The following WDFY4 variants were observed in gnomAD, a reference collection of about 807,000 sequenced individuals.
WDFY4 encodes the protein WD repeat- and FYVE domain-containing protein 4.
Under a neutral mutation model 351.9 loss-of-function variants are expected in WDFY4, and 169 were observed. That is an observed-to-expected ratio of 0.48 (90% CI 0.42 to 0.55). The LOEUF is 0.55. Among genes scored for constraint, WDFY4 ranks in the 20% least tolerant of loss-of-function variants. The pLI is 0.00. For synonymous variants in WDFY4, 1,622 were observed against 1,574.6 expected, an observed-to-expected ratio of 1.03 and a Z score of -0.71; for missense variants, 3,803 against 3,935.6, an observed-to-expected ratio of 0.97 and a Z score of 0.90.
intron 12 of WDFY4, among the ~76,000 whole-genome samples, chr10:48,747,185 A>C (rs77521524): frequency 0.018 from 2,762 of 152,288 alleles, 41 homozygotes; most frequent in Non-Finnish European, 0.029. Flanking sequence ...CAGTAAATGG[A>C]AGGTCTCCCC....
At chr10:48,798,560 A>C (rs1263472953) in intron 24 of WDFY4, among the ~76,000 whole-genome samples, 1 of 152,218 alleles carries the variant, frequency 6.6e-6, no homozygotes, top group East Asian at 1.9e-4. Context: ...TCGAAAATGT[A>C]AGTTTTCAGA....
chr10:48,738,898 T>G (rs760340567), intron 11 of WDFY4, among the ~76,000 whole-genome samples: 29 of 152,240 alleles, frequency 1.9e-4, no homozygotes, highest in Non-Finnish European at 3.5e-4. Flanking sequence ...GTGGTCTGTC[T>G]GCCAGCCACT....
chr10:48,735,663 G>GT (rs1050236467), intron 10 of WDFY4, among the ~76,000 whole-genome samples: 7 of 151,800 alleles, frequency 4.6e-5, no homozygotes, highest in Non-Finnish European at 8.8e-5. Context: ...GAAGAAAGCA[G>GT]TTTTTTAAAA....
chr10:48,842,174 T>A (rs183490601), intron 39 of WDFY4, among the ~76,000 whole-genome samples: 1 of 151,940 alleles, frequency 6.6e-6, no homozygotes, highest in Admixed American at 6.6e-5. Flanking sequence ...ATACAGAGGT[T>A]TAAGAGAGAC....
chr10:48,982,388 A>G, intron 61 of WDFY4, 121 bp from the exon 62 acceptor site: 4 of 811,250 alleles, frequency 4.9e-6, no homozygotes, highest in Non-Finnish European at 7.3e-6. Context: ...AAGGGAGACA[A>G]GACCAGGGGC....
chr10:48,814,019 G>A lies in WDFY4; in HGVS notation c.5277G>A (p.Gln1759=), dbSNP rs543922309. The change falls in exon 31 of 62, where the codon CAG becomes CAA. Residue 1759 remains glutamine (Q), a synonymous_variant. Transcript: ENST00000325239. ...GGCACCACCAGGAAGAAGTCCTCCAGGCTGGGCTGTGCACAGAAGGTGCCT... is the reference window on the plus strand; with the variant it reads ...GGCACCACCAGGAAGAAGTCCTCCAAGCTGGGCTGTGCACAGAAGGTGCCT... The part of the protein sequence containing the change: ...LQRHHQEEVL[Q]AGLCTEGALL... 1.9e-6 allele frequency: 3 copies of A among 1,551,002 alleles called. No individual in the cohort carries two copies. In the South Asian group the frequency reaches 3.6e-5, roughly 18 times the overall value.
chr10:48,874,070 G>A (rs1168209237), intron 41 of WDFY4, among the ~76,000 whole-genome samples: 1 of 152,210 alleles, frequency 6.6e-6, no homozygotes, highest in Non-Finnish European at 1.5e-5. Context: ...GCTCGCACAA[G>A]TTACTTGTTA....
At chr10:48,818,051 G>C (rs1052150161) in intron 32 of WDFY4, among the ~76,000 whole-genome samples, 5 of 152,222 alleles carry the variant, frequency 3.3e-5, no homozygotes, top group Non-Finnish European at 7.3e-5. Flanking sequence ...ACTCAGGTAG[G>C]CTAAGACCTC....
At chr10:48,923,079 G>T (rs1176248493) in intron 47 of WDFY4, among the ~76,000 whole-genome samples, 1 of 152,130 alleles carries the variant, frequency 6.6e-6, no homozygotes, top group Non-Finnish European at 1.5e-5. Context: ...CAAAATAGTT[G>T]GGACTCCATA....
At chr10:48,787,905 T>TCTC in intron 20 of WDFY4, among the ~76,000 whole-genome samples, 1 of 31,494 alleles carries the variant, frequency 3.2e-5, no homozygotes, top group South Asian at 1.2e-3. Context: ...TTCTTCTTCT[T>TCTC]CTTCTTCTTC....
intron 2 of WDFY4, among the ~76,000 whole-genome samples, chr10:48,717,255 T>G (rs1246410613): frequency 6.6e-6 from 1 of 152,230 alleles, no homozygotes. Flanking sequence ...TTTCATTCAC[T>G]TATCAAGTAT....
intron 47 of WDFY4, among the ~76,000 whole-genome samples, chr10:48,938,373 G>C (rs1407447392): frequency 4.6e-5 from 7 of 152,256 alleles, no homozygotes; most frequent in African/African-American, 1.7e-4. Flanking sequence ...ACTCCTTCCA[G>C]GGCTGAGAGG....
At chr10:48,748,812 G>C (rs2065090478) in intron 12 of WDFY4, among the ~76,000 whole-genome samples, 1 of 152,218 alleles carries the variant, frequency 6.6e-6, no homozygotes, top group South Asian at 2.1e-4. Context: ...CTGGGAATGG[G>C]AGACAGGGTG....
At position 48,729,570 on chromosome 10, in the gene WDFY4, G is replaced by T. The variant is rs372539984; in HGVS notation, c.1110G>T (p.Lys370Asn). The T allele has an allele frequency of 1.4e-4, 213 of 1,551,606 alleles. No homozygotes were observed. The highest frequency in any genetic ancestry group is 1.8e-4 in the Non-Finnish European group (203 of 1,147,002). ...SITYPQLEGFKFHHEASGVTV... is the reference protein window; with the variant it reads ...SITYPQLEGFNFHHEASGVTV... ...CTTACCCTCAGCTTGAAGGCTTCAA[G>T]TTCCATCATGAGGCATCTGGTGAGT... Residue 370 changes from lysine to asparagine, a missense_variant, in exon 8 of 62, where the codon AAG becomes AAT. By Grantham distance (94) the Lys-to-Asn change is moderately conservative. Around this residue, in one of 3 missense-constraint regions of WDFY4, gnomAD observed 488 missense variants for 456.8 expected, o/e 1.07. Transcript: ENST00000325239.
rs996030731 is a variant in WDFY4 at position 48,820,452 on chromosome 10, G to A, written c.5709+15G>A. 2 of 1,550,342 alleles carry A rather than the reference G, an allele frequency of 1.3e-6. No individual in the cohort carries two copies. On this transcript the variant is annotated intron_variant, in intron 33 of 61. Transcript: ENST00000325239. ...TGCTCCTGGAGGTGGGTTGGAAAAG[G>A]TGACATTGGGCCATGTGCTGTGGAG...
rs142657314 is a variant in WDFY4, at chr10:48,718,540, C to T, written c.235-1471C>T. On this transcript the variant is annotated intron_variant, in intron 2 of 61. Transcript: ENST00000325239. ...GACGGTGGGTGGTGCTAGGTGGAAG[C>T]GGGGCAGCAAAACTGCCTTCCGTGG... 7.1e-4 allele frequency among the ~76,000 whole-genome samples: 108 copies of T among 152,272 alleles called. 1 individual carries two copies. The highest frequency in any genetic ancestry group is 1.2e-3 in the East Asian group (6 of 5,190).
At chr10:48,969,350 T>C (rs2131831308) in intron 56 of WDFY4, 102 bp downstream of exon 56, 1 of 1,363,160 alleles carries the variant, frequency 7.3e-7, no homozygotes, top group South Asian at 1.4e-5. Context: ...GCAACCTCGC[T>C]CACTTTCCCT....
At chr10:48,727,205 C>A (rs1457639157) in intron 6 of WDFY4, among the ~76,000 whole-genome samples, 2 of 152,220 alleles carry the variant, frequency 1.3e-5, no homozygotes, top group Non-Finnish European at 2.9e-5. Context: ...GACCTGGACT[C>A]CCCCTTCTTG....
intron 20 of WDFY4, among the ~76,000 whole-genome samples, chr10:48,787,804 C>CTTCT (rs2066455135): frequency 2.8e-5 from 2 of 70,764 alleles, no homozygotes; most frequent in East Asian, 1.1e-3. Flanking sequence ...CCTCCTCCTC[C>CTTCT]TCCTCTTCTT....
Sources: gnomAD v4.1 joint callset for allele counts (sites outside exome capture counted in the v4.1 genomes callset) on GRCh38, gnomAD v4.1.1 for gene constraint, gnomAD v4.1.1 regional missense constraint, MANE v1.5 for transcripts, NCBI Gene and HGNC (gene_info 2026-07-23, HGNC 2026-07-21) for gene names.